SERPINC1: variants seen among roughly 807,000 people sequenced by gnomAD.
The protein encoded by SERPINC1 is antithrombin-III.
In SERPINC1, 12 loss-of-function variants were observed where a neutral mutation model predicts 43.4. The observed-to-expected ratio is 0.28, with a 90% CI of 0.18 to 0.45. The LOEUF is 0.45. SERPINC1 is among the 20% of genes least tolerant of loss of function. SERPINC1 has a pLI of 1.00. For synonymous variants in SERPINC1, 210 were observed against 218.9 expected (o/e 0.96, Z 0.36); for missense variants, 423 against 578.8 (o/e 0.73, Z 2.76).
rs770852197 is a variant in SERPINC1 at position 173,909,939 on chromosome 1, G to A, written c.766C>T (p.Leu256=). The change falls in exon 5 of 7, where the codon CTG becomes TTG. Residue 256 remains leucine, a synonymous_variant. Coordinates refer to ENST00000367698, the MANE Select transcript of SERPINC1 (RefSeq NM_000488.4). ...VLVNTIYFKG[L]WKSKFSPENT... is the part of the protein sequence containing the mutation. ...TCAGGGCTGAACTTTGACTTCCACA[G>A]GCCCTGGAAGAGAATCACAAAGTAA... is the stretch of plus-strand genomic sequence containing the variant. 1.2e-6 allele frequency: 2 copies of A among 1,614,066 alleles called. No homozygotes were observed. Among genetic ancestry groups the A allele is most frequent in the Non-Finnish European group, 1.7e-6 (2 of 1,180,008 alleles).
intron 3 of SERPINC1, 56 bp downstream of exon 3, chr1:173,911,743 C>CA: frequency 1.5e-6 from 2 of 1,373,540 alleles, no homozygotes; most frequent in East Asian, 4.6e-5. Context: ...TCCACCTCCT[C>CA]AATCTCTGAG....
At position 173,917,229 on chromosome 1, in the gene SERPINC1, A is replaced by T. The variant is rs1445653081; in HGVS notation, c.31T>A (p.Ser11Thr). 7 of 1,613,862 alleles carry T rather than the reference A, an allele frequency of 4.3e-6. No individual in the cohort carries two copies. Among genetic ancestry groups the T allele is most frequent in the Non-Finnish European group, 5.9e-6 (7 of 1,179,950 alleles). Residue 11 changes from serine (S) to threonine (T), a missense_variant, in exon 1 of 7, where the codon TCT becomes ACT. By Grantham distance (58) the Ser-to-Thr change is moderately conservative (BLOSUM62 1). Coordinates refer to ENST00000367698, the MANE Select transcript of SERPINC1 (RefSeq NM_000488.4). Reference sequence around the variant, plus strand: ...GCTCACCCCTCTTACCTTTTTCCAGAGGTTACAGTTCCTATCACATTGGAA... The same window carrying T: ...GCTCACCCCTCTTACCTTTTTCCAGTGGTTACAGTTCCTATCACATTGGAA... MYSNVIGTVTSGKRKVYLLSL... is the reference protein window; with the variant it reads MYSNVIGTVTTGKRKVYLLSL...
intron 2 of SERPINC1, among the ~76,000 whole-genome samples, chr1:173,913,724 C>T (rs1004005570): frequency 3.9e-5 from 6 of 152,082 alleles, no homozygotes; most frequent in Admixed American, 2.0e-4. Flanking sequence ...GGCATGGTGC[C>T]GGGGGCCTGT....
rs1161300167 is a variant in SERPINC1 at position 173,910,684 on chromosome 1, T to TA, written c.762+69dup. ...CTCTCAGGGCTTCGGTCTCGCCATTTAAAAAAAAAGGGGGTAAGCTGAAGA... is the reference window on the plus strand; with the variant it reads ...CTCTCAGGGCTTCGGTCTCGCCATTTAAAAAAAAAAGGGGGTAAGCTGAAGA... On this transcript the variant is annotated intron_variant, in intron 4 of 6. Transcript: ENST00000367698. 3.4e-4 allele frequency: 501 copies of TA among 1,475,932 alleles called. 1 individual carries two copies. Among genetic ancestry groups the TA allele is most frequent in the Non-Finnish European group, 4.1e-4 (440 of 1,064,984 alleles). 91.4% of individuals were successfully genotyped at this position (1,475,932 alleles called of 1,614,324 possible).
intron 1 of SERPINC1, among the ~76,000 whole-genome samples, chr1:173,915,366 A>G (rs1413360266): frequency 6.6e-6 from 1 of 152,200 alleles, no homozygotes; most frequent in Non-Finnish European, 1.5e-5. Flanking sequence ...AGAAGTAAGA[A>G]GAAATGGATG....
intron 2 of SERPINC1, 78 bp from the exon 3 acceptor site, chr1:173,912,092 G>C (rs1467835135): frequency 1.0e-6 from 1 of 1,003,204 alleles, no homozygotes; most frequent in African/African-American, 1.6e-5. Context: ...ATGCTGGTCA[G>C]TCTCTGACTA....
At chr1:173,908,530 CTAAT>C (rs1280358681) in intron 5 of SERPINC1, among the ~76,000 whole-genome samples, 1 of 142,986 alleles carries the variant, frequency 7.0e-6, no homozygotes, top group Non-Finnish European at 1.5e-5. Flanking sequence ...AAAGATAAAT[CTAAT>C]TACTTAACAT....
chr1:173,903,903 G>T lies in SERPINC1; in HGVS notation c.1381C>A (p.Pro461Thr). 6.2e-7 allele frequency: 1 copy of T among 1,614,062 alleles called. No individual in the cohort carries two copies. The highest frequency in any genetic ancestry group is 8.5e-7 in the Non-Finnish European group (1 of 1,179,962). ...TIIFMGRVAN[P>T]CVK is the part of the protein sequence containing the mutation. ...ATAAGAACATTTTACTTAACACAAG[G>T]GTTGGCTACTCTGCCCATGAAGATA... Residue 461 changes from proline (P) to threonine (T), a missense_variant, in exon 7 of 7, where the codon CCT (proline) becomes ACT (threonine). Transcript: ENST00000367698.
At position 173,907,461 on chromosome 1, in the gene SERPINC1, C is replaced by A. The variant is rs756459428; in HGVS notation, c.1207G>T (p.Ala403Ser). 10 of 1,612,656 alleles carry A rather than the reference C, an allele frequency of 6.2e-6. No individual in the cohort carries two copies. In the African/African-American group the frequency reaches 1.3e-4, roughly 22 times the overall value. Residue 403 changes from alanine (A) to serine (S), a missense_variant, in exon 6 of 7, where the codon GCA (alanine) becomes TCA (serine). Coordinates refer to ENST00000367698, the MANE Select transcript of SERPINC1 (RefSeq NM_000488.4). Reference protein sequence around the residue: ...DLYVSDAFHKAFLEVNEEGSE... With the variant: ...DLYVSDAFHKSFLEVNEEGSE... ...GAAGGTGTACTCACCTCAAGAAATG[C>A]CTTATGGAATGCATCTGAGACATAG... is the stretch of plus-strand genomic sequence containing the variant.
At position 173,912,260 on chromosome 1, in the gene SERPINC1, C is replaced by T. The variant is rs575560495; in HGVS notation, c.409-246G>A. ...TAGGTTGCCACCTAAAGTCTCTAAA[C>T]GCCTCTAGATCAACACACAGACGTT... On this transcript the variant is annotated intron_variant, in intron 2 of 6. Coordinates refer to ENST00000367698, the MANE Select transcript of SERPINC1 (RefSeq NM_000488.4). Among the ~76,000 whole-genome samples the T allele has an allele frequency of 1.2e-4, 18 of 152,240 alleles. 1 individual carries two copies. Among genetic ancestry groups the T allele is most frequent in the African/African-American group, 3.4e-4 (14 of 41,540 alleles).
intron 1 of SERPINC1, chr1:173,915,311 G>T: frequency 2.6e-6 from 1 of 382,816 alleles, no homozygotes. Flanking sequence ...AACTGTTTGG[G>T]GAAGGACTCT....
At chr1:173,917,125 G>A in intron 1 of SERPINC1, 94 bp downstream of exon 1, 1 of 1,049,552 alleles carries the variant, frequency 9.5e-7, no homozygotes, top group Non-Finnish European at 1.5e-6. Flanking sequence ...AGAGGGCCTG[G>A]TCTTCTCAAA....
rs938465060 is a variant in SERPINC1 at position 173,915,076 on chromosome 1, G to T, written c.42-157C>A. 15 of 1,506,214 alleles carry T rather than the reference G, an allele frequency of 1.0e-5. No individual in the cohort carries two copies. In the South Asian group the frequency reaches 1.7e-4, roughly 17 times the overall value. The allele number at this position is 1,506,214 out of a possible 1,614,324, so 93.3% of individuals were successfully genotyped here. On this transcript the variant is annotated intron_variant, in intron 1 of 6. Coordinates refer to ENST00000367698, the MANE Select transcript of SERPINC1 (RefSeq NM_000488.4). ...AACCAAGTACAGGGGCCCGGGACAG[G>T]TTCAGTCCTAGACTTCTTGCCAGGG...
chr1:173,916,284 G>C (rs751678028), intron 1 of SERPINC1, among the ~76,000 whole-genome samples: 6 of 152,182 alleles, frequency 3.9e-5, no homozygotes, highest in Non-Finnish European at 5.9e-5. Flanking sequence ...TCTGTGTGTG[G>C]GTACTGGATC....
chr1:173,910,413 C>A (rs1255543229), intron 4 of SERPINC1, among the ~76,000 whole-genome samples: 1 of 151,408 alleles, frequency 6.6e-6, no homozygotes, highest in African/African-American at 2.4e-5. Context: ...CCCGTCTTTA[C>A]TAAAAAAAAA....
At position 173,914,563 on chromosome 1, in the gene SERPINC1, T is replaced by A; in HGVS notation, c.398A>T (p.Gln133Leu). The change falls in exon 2 of 7, where the codon CAA (glutamine) becomes CTA (leucine). Residue 133 changes from glutamine (Q) to leucine (L), a missense_variant. Gln to Leu is a moderately radical substitution (Grantham distance 113). Coordinates refer to ENST00000367698, the MANE Select transcript of SERPINC1 (RefSeq NM_000488.4). ...KLGACNDTLQ[Q>L]LMEVFKFDTI... ...GACCTTTGGTCGTACCTCCATCAGT[T>A]GCTGGAGGGTGTCATTACAGGCACC... 6.2e-7 allele frequency: 1 copy of A among 1,614,128 alleles called. No homozygotes were observed. Among genetic ancestry groups the A allele is most frequent in the Non-Finnish European group, 8.5e-7 (1 of 1,180,034 alleles).
At chr1:173,914,969 C>T in intron 1 of SERPINC1, 50 bp from the exon 2 acceptor site, 2 of 1,588,744 alleles carry the variant, frequency 1.3e-6, no homozygotes, top group Non-Finnish European at 1.7e-6. Context: ...CCCCTAGCCC[C>T]ACTGCCCACC....
At position 173,907,583 on chromosome 1, in the gene SERPINC1, C is replaced by A. The variant is rs541549098; in HGVS notation, c.1154-69G>T. 2,025 of 1,098,576 alleles carry A rather than the reference C, an allele frequency of 1.8e-3. 42 individuals carry two copies. In the South Asian group the frequency reaches 0.023, roughly 13 times the overall value. 68.1% of individuals were successfully genotyped at this position (1,098,576 alleles called of 1,614,324 possible). ...TGGCTTCAACCCACAGATGGGAATT[C>A]AGTTTGGATTAAGAGATCCTTTGGG... On this transcript the variant is annotated intron_variant, in intron 5 of 6. Coordinates refer to ENST00000367698, the MANE Select transcript of SERPINC1 (RefSeq NM_000488.4).
Position 173,907,511 on chromosome 1 carries a change from A to G in SERPINC1, c.1157T>C (p.Ile386Thr), listed in dbSNP as rs1449772752. The change falls in exon 6 of 7, where the codon ATT becomes ACT. Residue 386 changes from isoleucine (I) to threonine (T), a missense_variant. Physicochemically the swap from Ile to Thr is moderately conservative, Grantham distance 89 (BLOSUM62 -1). Transcript: ENST00000367698. ...GAGGTCATCTCGGCCTTCTGCAACA[A>G]TACCTGGAAGGAAGACCGGAGAAGT... Reference protein sequence around the residue: ...FSPEKSKLPGIVAEGRDDLYV... With the variant: ...FSPEKSKLPGTVAEGRDDLYV... The G allele has an allele frequency of 6.2e-7, 1 of 1,613,692 alleles. No homozygotes were observed. The highest frequency in any genetic ancestry group is 8.5e-7 in the Non-Finnish European group (1 of 1,179,594).
Sources: allele counts gnomAD v4.1 joint callset (sites outside exome capture counted in the v4.1 genomes callset), GRCh38; gene constraint gnomAD v4.1.1; transcripts MANE v1.5; gene names NCBI Gene and HGNC (gene_info 2026-07-23, HGNC 2026-07-21).